DNAH10: variants seen among roughly 807,000 people sequenced by gnomAD.
The protein encoded by DNAH10 is dynein axonemal heavy chain 10, also known as axonemal beta dynein heavy chain 10.
In DNAH10, 348 loss-of-function variants were observed where a neutral mutation model predicts 506.6. The ratio of observed to expected loss-of-function variants is 0.69; its 90% confidence interval spans 0.63 to 0.75. The LOEUF is 0.75. DNAH10 is among the 30% of genes least tolerant of loss of function. The pLI is 0.00. For synonymous variants in DNAH10, 2,059 were observed against 2,198.6 expected (o/e 0.94, Z 1.78); for missense variants, 5,179 against 5,787.1 (o/e 0.89, Z 3.41).
intron 12 of DNAH10, among the ~76,000 whole-genome samples, chr12:123,795,782 C>A (rs147332722): frequency 2.6e-5 from 4 of 152,114 alleles, no homozygotes; most frequent in Admixed American, 6.5e-5. Flanking sequence ...CCCACGAGAG[C>A]TCAGACATGC....
chr12:123,900,277 C>T lies in DNAH10; in HGVS notation c.9640+1463C>T, dbSNP rs557221019. Among the ~76,000 whole-genome samples, 56 of 152,284 alleles carry T rather than the reference C, an allele frequency of 3.7e-4. 1 individual carries two copies. In the South Asian group the frequency reaches 0.011, roughly 29 times the overall value. On this transcript the variant is annotated intron_variant, in intron 56 of 78. Coordinates refer to ENST00000673944, the MANE Select transcript of DNAH10 (RefSeq NM_001372106.1). Reference sequence around the variant, plus strand: ...TAAAAAACTATATATTCCTGGCCCCCTAGATGTAAAACTAGACTGGAAGTG... The same window carrying T: ...TAAAAAACTATATATTCCTGGCCCCTTAGATGTAAAACTAGACTGGAAGTG...
Position 123,903,564 on chromosome 12 carries a change from G to A in DNAH10, c.9815+451G>A, listed in dbSNP as rs558317125. On this transcript the variant is annotated intron_variant, in intron 57 of 78. Transcript: ENST00000673944. This position sits in a 1 kb window ranked among gnomAD's most constrained non-coding sequence, Gnocchi z 4.6. Reference sequence around the variant, plus strand: ...TTCCAGCCAAGGAAGCTTTCAAGGAGGGTGAGAGTAGGTCACTATTGAGGC... The same window carrying A: ...TTCCAGCCAAGGAAGCTTTCAAGGAAGGTGAGAGTAGGTCACTATTGAGGC... 1.7e-4 allele frequency among the ~76,000 whole-genome samples: 26 copies of A among 152,342 alleles called. No homozygotes were observed. The highest frequency in any genetic ancestry group is 6.0e-4 in the African/African-American group (25 of 41,580).
At position 123,785,978 on chromosome 12, in the gene DNAH10, C is replaced by A. The variant is rs1454493839; in HGVS notation, c.1421+42C>A. On this transcript the variant is annotated intron_variant, in intron 9 of 78. Coordinates refer to ENST00000673944, the MANE Select transcript of DNAH10 (RefSeq NM_001372106.1). This position sits in a 1 kb window ranked among gnomAD's most constrained non-coding sequence, Gnocchi z 4.1. ...TTCATTTTTTTGTTTTGTTTTGTTT[C>A]ACTTTTTACTTTTTAGATCTTAAAC... 1 of 1,580,626 alleles carries A rather than the reference C, an allele frequency of 6.3e-7. No homozygotes were observed. Among genetic ancestry groups the A allele is most frequent in the Admixed American group, 1.8e-5 (1 of 56,942 alleles).
At position 123,893,265 on chromosome 12, in the gene DNAH10, A is replaced by G. The variant is rs759519378; in HGVS notation, c.9028A>G (p.Lys3010Glu). The G allele has an allele frequency of 6.2e-7, 1 of 1,614,034 alleles. No homozygotes were observed. Among genetic ancestry groups the G allele is most frequent in the South Asian group, 1.1e-5 (1 of 91,082 alleles). Reference protein sequence around the residue: ...IVPALFSEEEKESILSQIGQE... With the variant: ...IVPALFSEEEEESILSQIGQE... ...ACCTGCGCTTTTTTCTGAAGAGGAG[A>G]AAGAGTCTATCCTGAGTCAGATTGG... is the stretch of plus-strand genomic sequence containing the variant. The change falls in exon 53 of 79, where the codon AAA becomes GAA. Residue 3010 changes from lysine to glutamate, a missense_variant. Around this residue, in one of 3 missense-constraint regions of DNAH10, gnomAD observed 4,844 missense variants for 5,430.5 expected, o/e 0.89. Coordinates refer to ENST00000673944, the MANE Select transcript of DNAH10 (RefSeq NM_001372106.1).
At chr12:123,900,039 C>G (rs777692859) in intron 56 of DNAH10, among the ~76,000 whole-genome samples, 54 of 152,186 alleles carry the variant, frequency 3.5e-4, no homozygotes, top group Non-Finnish European at 7.5e-4. Context: ...GACACCCTGT[C>G]GCCTGCTCAC....
In DNAH10 at chr12:123,879,818, C is replaced by T. The variant is rs1216582553; in HGVS notation, c.8634+17C>T. ...CTGTTCCAGGTGGGGATGAGCCCCA[C>T]CCTGTCCATGGGCTCACTTTCTCCT... On this transcript the variant is annotated intron_variant, in intron 50 of 78. Transcript: ENST00000673944. 2 of 1,610,836 alleles carry T rather than the reference C, an allele frequency of 1.2e-6. No individual in the cohort carries two copies. Among genetic ancestry groups the T allele is most frequent in the Admixed American group, 1.7e-5 (1 of 59,722 alleles).
At chr12:123,856,208 T>C (rs2136796066) in intron 36 of DNAH10, among the ~76,000 whole-genome samples, 1 of 147,548 alleles carries the variant, frequency 6.8e-6, no homozygotes. Context: ...TTTTATAAAA[T>C]TTAATTTATA....
Position 123,765,054 on chromosome 12 carries a change from C to T in DNAH10, c.214+2504C>T, listed in dbSNP as rs11057347. ...GTCTGTTCAGAGGACCTGCAGAGAGCCCAGCGTGTCCTTTGTTTCCTTTTT... is the reference window on the plus strand; with the variant it reads ...GTCTGTTCAGAGGACCTGCAGAGAGTCCAGCGTGTCCTTTGTTTCCTTTTT... On this transcript the variant is annotated intron_variant, in intron 1 of 78. Transcript: ENST00000673944. Among the ~76,000 whole-genome samples, 7 of 152,106 alleles carry T rather than the reference C, an allele frequency of 4.6e-5. No homozygotes were observed. The East Asian group carries it at 1.4e-3, about 30-fold the overall frequency.
intron 21 of DNAH10, among the ~76,000 whole-genome samples, chr12:123,816,033 A>G (rs1332576149): frequency 1.3e-5 from 2 of 152,248 alleles, no homozygotes; most frequent in Admixed American, 6.5e-5. Context: ...CAAAAGACCA[A>G]TGACTGTCTT....
chr12:123,835,600 C>T, intron 28 of DNAH10, 72 bp downstream of exon 28: 2 of 1,532,766 alleles, frequency 1.3e-6, no homozygotes, highest in African/African-American at 1.4e-5. Flanking sequence ...TTTTTATTTG[C>T]ACATTGTATT....
Position 123,931,832 on chromosome 12 carries a change from G to A in DNAH10, c.13113G>A (p.Leu4371=), listed in dbSNP as rs533297425. Residue 4371 remains leucine (L), a synonymous_variant, in exon 75 of 79, where the codon CTG becomes CTA. Transcript: ENST00000673944. ...NKLVVRMTKS[L]AELQRALAGE... ...TTGTGGTCCGGATGACGAAGTCTCTGGCTGAACTTCAAAGGGTGAGCCTGT... is the reference window on the plus strand; with the variant it reads ...TTGTGGTCCGGATGACGAAGTCTCTAGCTGAACTTCAAAGGGTGAGCCTGT... The A allele has an allele frequency of 5.0e-6, 8 of 1,614,022 alleles. No individual in the cohort carries two copies. In the South Asian group the frequency reaches 8.8e-5, roughly 18 times the overall value.
At chr12:123,900,603 A>C (rs1428649841) in intron 56 of DNAH10, among the ~76,000 whole-genome samples, 2 of 152,150 alleles carry the variant, frequency 1.3e-5, no homozygotes, top group East Asian at 3.8e-4. Context: ...GGAATTTTGG[A>C]GGAAGCTTCA....
chr12:123,934,410 C>G (rs1955379916), intron 77 of DNAH10: 1 of 685,774 alleles, frequency 1.5e-6, no homozygotes, highest in Admixed American at 2.2e-5. Flanking sequence ...GGCCATGGGG[C>G]AGGGCCACAG....
In DNAH10 at chr12:123,898,787, G is replaced by T; in HGVS notation, c.9613G>T (p.Glu3205Ter). The change falls in exon 56 of 79, where the codon GAG (glutamate) becomes TAG (stop). Residue 3205 changes from glutamate (E) to a stop codon, truncating the protein, a stop_gained. Transcript: ENST00000673944. LOFTEE classifies it high-confidence loss of function. ...GTCCGCCGCCTGCGAGGCCTTGCTG[G>T]AGGAGATCGCCGTCAACACCGCTGT... is the stretch of plus-strand genomic sequence containing the variant. ...EKSAACEALL[E>*]EIAVNTAVAE... The T allele has an allele frequency of 6.2e-7, 1 of 1,611,724 alleles. No homozygotes were observed.
At chr12:123,820,861 T>C in intron 24 of DNAH10, 103 bp downstream of exon 24, 5 of 1,341,510 alleles carry the variant, frequency 3.7e-6, no homozygotes, top group Non-Finnish European at 5.2e-6. Context: ...TGAGCTTGGG[T>C]CTGACGTTGT....
rs530954365 is a variant in DNAH10 at position 123,887,302 on chromosome 12, T to A, written c.8984T>A (p.Met2995Lys). 3 of 1,613,602 alleles carry A rather than the reference T, an allele frequency of 1.9e-6. No homozygotes were observed. The Admixed American group carries it at 5.0e-5, about 27-fold the overall frequency. The change falls in exon 52 of 79, where the codon ATG (methionine) becomes AAG (lysine). Residue 2995 changes from methionine to lysine, a missense_variant. Met to Lys is a moderately conservative substitution (Grantham distance 95, BLOSUM62 -1). Coordinates refer to ENST00000673944, the MANE Select transcript of DNAH10 (RefSeq NM_001372106.1). ...GGCTTCCTGGAGCTCATCAACAACA[T>A]GCTGACCTCAGGTACAGCCAAGGCT... is the stretch of plus-strand genomic sequence containing the variant. ...EEGFLELINN[M>K]LTSGIVPALF...
intron 5 of DNAH10, among the ~76,000 whole-genome samples, chr12:123,776,970 G>T (rs985847534): frequency 6.6e-6 from 1 of 152,144 alleles, no homozygotes; most frequent in African/African-American, 2.4e-5. Context: ...GAAAGAAAAA[G>T]GAAACAAGGG....
intron 30 of DNAH10, among the ~76,000 whole-genome samples, chr12:123,841,840 C>A (rs891886028): frequency 2.0e-5 from 3 of 152,158 alleles, no homozygotes; most frequent in African/African-American, 7.2e-5. Context: ...TGTGCACTAC[C>A]ATGCCTGGCT....
rs1958598185 is a variant in DNAH10 at position 123,804,737 on chromosome 12, GT to G, written c.2780-89del. 5.3e-6 allele frequency: 7 copies of G among 1,321,090 alleles called. No individual in the cohort carries two copies. The Admixed American group carries it at 8.3e-5, about 16-fold the overall frequency. 81.8% of individuals were successfully genotyped at this position (1,321,090 alleles called of 1,614,324 possible). A position where few individuals can be genotyped will look rare whatever the true frequency, so the allele number is the denominator to read the frequency against. ...GGGCTGAGGTTGGAGGCTGGTTTTGGTTTTTTTAAGACACACAGCTCATGTT... is the reference window on the plus strand; with the variant it reads ...GGGCTGAGGTTGGAGGCTGGTTTTGGTTTTTTAAGACACACAGCTCATGTT... On this transcript the variant is annotated intron_variant, in intron 17 of 78. Coordinates refer to ENST00000673944, the MANE Select transcript of DNAH10 (RefSeq NM_001372106.1).
Sources: gnomAD v4.1 joint callset for allele counts (sites outside exome capture counted in the v4.1 genomes callset) on GRCh38, gnomAD v4.1.1 for gene constraint, gnomAD v4.1.1 regional missense constraint, Gnocchi (gnomAD v3.1) non-coding constraint, MANE v1.5 for transcripts, NCBI Gene and HGNC (gene_info 2026-07-23, HGNC 2026-07-21) for gene names.